Variants in RBFOX1 observed in about 807,000 individuals in gnomAD.
RBFOX1 encodes RNA binding protein fox-1 homolog 1.
Under a neutral mutation model 57.7 loss-of-function variants are expected in RBFOX1, and 8 were observed. The ratio of observed to expected loss-of-function variants is 0.14; its 90% CI spans 0.08 to 0.25. The LOEUF is 0.25. Among genes scored for constraint, RBFOX1 ranks in the 10% least tolerant of loss-of-function variants. The pLI is 1.00. For synonymous variants in RBFOX1, 326 were observed against 222.4 expected (o/e 1.47, Z -4.15); for missense variants, 611 against 548.5 (o/e 1.11, Z -1.14).
intron 3 of RBFOX1, among the ~76,000 whole-genome samples, chr16:6,799,852 C>T (rs993642949): frequency 6.6e-6 from 1 of 152,106 alleles, no homozygotes; most frequent in Non-Finnish European, 1.5e-5. Context: ...TGTCAGCTTC[C>T]CTGCTTTTAA....
At chr16:5,240,838 C>T (rs2062147748) in intron 1 of RBFOX1, among the ~76,000 whole-genome samples, 1 of 152,172 alleles carries the variant, frequency 6.6e-6, no homozygotes, top group Admixed American at 6.5e-5. Context: ...GGTTCACTTT[C>T]TGCTTTCCTA....
At chr16:5,918,845 A>C (rs2058760911) in intron 4 of RBFOX1, among the ~76,000 whole-genome samples, 1 of 152,204 alleles carries the variant, frequency 6.6e-6, no homozygotes, top group African/African-American at 2.4e-5. Flanking sequence ...GTAAGAAGCA[A>C]CACTTGACTT....
intron 3 of RBFOX1, among the ~76,000 whole-genome samples, chr16:6,685,728 C>A (rs930470408): frequency 2.6e-5 from 4 of 152,034 alleles, no homozygotes; most frequent in African/African-American, 9.7e-5. Flanking sequence ...TCAAGAATAC[C>A]AATTTTAACA....
intron 1 of RBFOX1, among the ~76,000 whole-genome samples, chr16:6,252,909 AC>A (rs2097630519): frequency 1.3e-5 from 2 of 152,158 alleles, no homozygotes; most frequent in African/African-American, 2.4e-5. Context: ...TTGTTCAAGA[AC>A]AACAATGTAT....
chr16:6,085,208 T>C (rs1223180711), intron 1 of RBFOX1, among the ~76,000 whole-genome samples: 1 of 152,176 alleles, frequency 6.6e-6, no homozygotes, highest in Non-Finnish European at 1.5e-5. Context: ...CTCATTTCTT[T>C]CACGTGACTT....
chr16:6,802,811 T>C (rs533917643), intron 3 of RBFOX1, among the ~76,000 whole-genome samples: 1 of 152,236 alleles, frequency 6.6e-6, no homozygotes, highest in Non-Finnish European at 1.5e-5. Context: ...ACCCAAAATA[T>C]TTTTCGGAGA....
At chr16:5,591,291 AC>A (rs1404549450) in intron 2 of RBFOX1, among the ~76,000 whole-genome samples, 2 of 134,158 alleles carry the variant, frequency 1.5e-5, no homozygotes, top group African/African-American at 2.8e-5. Flanking sequence ...CTCTTTTGTT[AC>A]CCAGGCTGGA....
At position 5,292,063 on chromosome 16, in the gene RBFOX1, C is replaced by G. The variant is rs142294303; in HGVS notation, c.219+51958C>G. On this transcript the variant is annotated intron_variant, in intron 1 of 2. Transcript: ENST00000585867. ...CCCTAAACATATGAATGTTTTTTGACCTAATTTATCACAGAGGGATGGACG... is the reference window on the plus strand; with the variant it reads ...CCCTAAACATATGAATGTTTTTTGAGCTAATTTATCACAGAGGGATGGACG... Among the ~76,000 whole-genome samples, 82 of 151,908 alleles carry G rather than the reference C, an allele frequency of 5.4e-4. 2 individuals are homozygous for G. In the East Asian group the frequency reaches 0.015, roughly 28 times the overall value.
chr16:7,176,960 T>C (rs1409346347), intron 4 of RBFOX1, among the ~76,000 whole-genome samples: 1 of 152,170 alleles, frequency 6.6e-6, no homozygotes, highest in Admixed American at 6.5e-5. Flanking sequence ...GCTTTAGTAA[T>C]TCATTTACAA....
intron 3 of RBFOX1, among the ~76,000 whole-genome samples, chr16:5,733,710 C>A (rs1301556001): frequency 6.6e-6 from 1 of 152,134 alleles, no homozygotes; most frequent in African/African-American, 2.4e-5. Flanking sequence ...TTCTCCCTTT[C>A]CCTCTTACCT....
At chr16:7,676,292 T>C (rs750586870) in intron 13 of RBFOX1, among the ~76,000 whole-genome samples, 5 of 152,168 alleles carry the variant, frequency 3.3e-5, no homozygotes, top group Non-Finnish European at 7.4e-5. Context: ...AGATTACTAA[T>C]AAACTTTCAA....
rs1039561494 is a variant in RBFOX1 at position 6,977,113 on chromosome 16, T to C, written c.-15-74944T>C. On this transcript the variant is annotated intron_variant, in intron 3 of 15. Transcript: ENST00000550418. ...TTTTATATATATATCATATATATGA[T>C]CTATATTATCATATATATGATATAT... Among the ~76,000 whole-genome samples, 4 of 142,808 alleles carry C rather than the reference T, an allele frequency of 2.8e-5. No individual in the cohort carries two copies. The South Asian group carries it at 8.8e-4, about 31-fold the overall frequency. The allele number at this position is 142,808 out of a possible 152,430, so 93.7% of individuals were successfully genotyped here.
chr16:5,428,148 A>G lies in RBFOX1; in HGVS notation c.220-39068A>G, dbSNP rs545585411. Among the ~76,000 whole-genome samples, 282 of 146,138 alleles carry G rather than the reference A, an allele frequency of 1.9e-3. 2 individuals are homozygous for G. The highest frequency in any genetic ancestry group is 6.9e-3 in the African/African-American group (274 of 39,590). On this transcript the variant is annotated intron_variant, in intron 1 of 2. Transcript: ENST00000585867. ...TGTGTGTGTGTGTGTGTGTGTGTGT[A>G]TGTGTGTATGTGCATACACACAAAC...
In RBFOX1 at chr16:5,355,488, C is replaced by T. The variant is rs9928939; in HGVS notation, c.220-111728C>T. 1.7e-3 allele frequency among the ~76,000 whole-genome samples: 255 copies of T among 152,190 alleles called. 1 individual carries two copies. The highest frequency in any genetic ancestry group is 5.5e-3 in the African/African-American group (230 of 41,514). On this transcript the variant is annotated intron_variant, in intron 1 of 2. Coordinates refer to the RBFOX1 transcript ENST00000585867. ...GAGGCACCTTTGCTGGCTCAAGGCC[C>T]GGGGCCTGAGGTCAGCTGAAGCTGG...
intron 3 of RBFOX1, among the ~76,000 whole-genome samples, chr16:6,800,754 G>C (rs1003676516): frequency 2.6e-5 from 4 of 151,978 alleles, no homozygotes; most frequent in Non-Finnish European, 4.4e-5. Flanking sequence ...ACAAAGTAAG[G>C]GTCTCTAGAA....
At chr16:6,885,602 G>T (rs977634993) in intron 3 of RBFOX1, among the ~76,000 whole-genome samples, 7 of 151,958 alleles carry the variant, frequency 4.6e-5, no homozygotes, top group Admixed American at 3.9e-4. Context: ...CACAGTCTCG[G>T]CTCACTGCCA....
chr16:5,973,083 C>T (rs994523202), intron 4 of RBFOX1, among the ~76,000 whole-genome samples: 1 of 152,186 alleles, frequency 6.6e-6, no homozygotes, highest in Non-Finnish European at 1.5e-5. Context: ...AAAGAGTCAG[C>T]TGACTACCTG....
At chr16:7,094,578 G>A (rs914610097) in intron 4 of RBFOX1, among the ~76,000 whole-genome samples, 4 of 151,488 alleles carry the variant, frequency 2.6e-5, no homozygotes, top group East Asian at 1.9e-4. Context: ...CTGTGTATTG[G>A]GAAACACTCT....
chr16:6,410,303 CT>C (rs34012786), intron 2 of RBFOX1, among the ~76,000 whole-genome samples: 1,344 of 86,698 alleles, frequency 0.016, 11 homozygotes, highest in African/African-American at 0.044. Context: ...ACCTAGGGTT[CT>C]TTTTTTTTTT....
Sources: gnomAD v4.1 joint callset for allele counts (sites outside exome capture counted in the v4.1 genomes callset) on GRCh38, gnomAD v4.1.1 for gene constraint, MANE v1.5 for transcripts, NCBI Gene and HGNC (gene_info 2026-07-23, HGNC 2026-07-21) for gene names.